TDO2: variants seen among roughly 807,000 people sequenced by gnomAD.
TDO2 encodes the protein tryptamin 2,3-dioxygenase.
A neutral mutation model predicts 61.2 loss-of-function variants in TDO2; 63 were observed. The ratio of observed to expected loss-of-function variants is 1.03; its 90% confidence interval spans 0.84 to 1.27. The LOEUF (loss-of-function observed/expected upper bound fraction) is 1.27. TDO2 is among the 50% of genes most tolerant of loss of function. The pLI is 0.00. For missense variants in TDO2, 494 were observed against 469.5 expected, an observed-to-expected ratio of 1.05 and a Z score of -0.48; for synonymous variants, 183 against 164.0, an observed-to-expected ratio of 1.12 and a Z score of -0.89.
At chr4:155,919,700 G>T (rs1743008532) in intron 11 of TDO2, 137 bp from the exon 12 acceptor site, 2 of 684,392 alleles carry the variant, frequency 2.9e-6, no homozygotes, top group Non-Finnish European at 4.7e-6. Flanking sequence ...TTTAATATAT[G>T]ATATATACAA....
In TDO2 at chr4:155,909,604, G is replaced by A. The variant is rs372162301; in HGVS notation, c.432-421G>A. The stretch of plus-strand genomic sequence containing the variant: ...AAGTCTTAGCAGCAGTGAAATGAAA[G>A]ACATTCACAAAGATATAATATGGGG... On this transcript the variant is annotated intron_variant, in intron 5 of 11. Coordinates refer to ENST00000536354, the MANE Select transcript of TDO2 (RefSeq NM_005651.4). 3.4e-4 allele frequency among the ~76,000 whole-genome samples: 52 copies of A among 152,168 alleles called. 2 individuals are homozygous for A. In the East Asian group the frequency reaches 4.7e-3, roughly 14 times the overall value.
intron 10 of TDO2, 136 bp downstream of exon 10, chr4:155,917,610 A>G (rs997464419): frequency 7.8e-6 from 5 of 639,956 alleles, no homozygotes; most frequent in Non-Finnish European, 1.3e-5. Context: ...CTTTTATACA[A>G]ATCAGCTTGG....
intron 5 of TDO2, 123 bp downstream of exon 5, chr4:155,909,137 A>G: frequency 1.1e-6 from 1 of 947,172 alleles, no homozygotes. Flanking sequence ...TTGTCACTAT[A>G]TGGACTTAGG....
Position 155,910,014 on chromosome 4 carries a change from TA to T in TDO2, c.432-9del. ...TTCCCTTGCCTTTCCTTCCACCATT[TA>T]ATCTCAAAGAGAGTACTTATCTCCA... On this transcript the variant is annotated splice_polypyrimidine_tract_variant and intron_variant, in intron 5 of 11. Transcript: ENST00000536354. 7.4e-6 allele frequency: 11 copies of T among 1,490,810 alleles called. No homozygotes were observed. The highest frequency in any genetic ancestry group is 9.8e-6 in the Non-Finnish European group (11 of 1,124,660). The allele number at this position is 1,490,810 out of a possible 1,614,324, so 92.3% of individuals were successfully genotyped here.
intron 5 of TDO2, among the ~76,000 whole-genome samples, chr4:155,909,245 CTG>C (rs1742774769): frequency 6.6e-6 from 1 of 152,214 alleles, no homozygotes; most frequent in African/African-American, 2.4e-5. Flanking sequence ...AAATTCATCA[CTG>C]TGTGTTCTGT....
At position 155,919,900 on chromosome 4, in the gene TDO2, G is replaced by A; in HGVS notation, c.1131G>A (p.Trp377Ter). Residue 377 changes from tryptophan (W) to a stop codon, truncating the protein, a stop_gained, in exon 12 of 12, where the codon TGG (tryptophan) becomes TGA (stop). Coordinates refer to ENST00000536354, the MANE Select transcript of TDO2 (RefSeq NM_005651.4). LOFTEE classifies it high-confidence loss of function. ...CAACATACCTGATTCCCCGACACTGGATACCGAAGATGAACCCAACCATTC... is the reference window on the plus strand; with the variant it reads ...CAACATACCTGATTCCCCGACACTGAATACCGAAGATGAACCCAACCATTC... ...NLSTYLIPRH[W>*]IPKMNPTIHK... 6.2e-7 allele frequency: 1 copy of A among 1,613,596 alleles called. No homozygotes were observed. The highest frequency in any genetic ancestry group is 1.1e-5 in the South Asian group (1 of 91,056).
At chr4:155,912,672 A>G (rs1268370360) in intron 7 of TDO2, among the ~76,000 whole-genome samples, 1 of 151,978 alleles carries the variant, frequency 6.6e-6, no homozygotes, top group Non-Finnish European at 1.5e-5. Flanking sequence ...TTCTATCTCT[A>G]TACTCTTTCA....
At chr4:155,904,196 A>G in intron 2 of TDO2, 73 bp downstream of exon 2, 3 of 1,114,732 alleles carry the variant, frequency 2.7e-6, no homozygotes, top group Middle Eastern at 2.0e-4. Flanking sequence ...ACTTTTTATG[A>G]TTTTATTTCT....
In TDO2 at chr4:155,918,161, G is replaced by T; in HGVS notation, c.989G>T (p.Cys330Phe). 4 of 1,613,914 alleles carry T rather than the reference G, an allele frequency of 2.5e-6. No individual in the cohort carries two copies. The highest frequency in any genetic ancestry group is 3.4e-6 in the Non-Finnish European group (4 of 1,179,846). The change falls in exon 11 of 12, where the codon TGC becomes TTC. Residue 330 changes from cysteine to phenylalanine, a missense_variant. By Grantham distance (205) the Cys-to-Phe change is radical. Coordinates refer to ENST00000536354, the MANE Select transcript of TDO2 (RefSeq NM_005651.4). Reference protein sequence around the residue: ...LMTKWRYNHVCMVHRMLGSKA... With the variant: ...LMTKWRYNHVFMVHRMLGSKA... ...TATGTTTGCCTAGATAACCATGTGTGCATGGTGCACAGAATGCTGGGCAGC... is the reference window on the plus strand; with the variant it reads ...TATGTTTGCCTAGATAACCATGTGTTCATGGTGCACAGAATGCTGGGCAGC...
intron 3 of TDO2, 85 bp downstream of exon 3, chr4:155,905,242 T>G (rs1579325100): frequency 9.9e-7 from 1 of 1,006,844 alleles, no homozygotes; most frequent in East Asian, 2.7e-5. Context: ...AACTACAAAA[T>G]GATGAAAGAT....
intron 5 of TDO2, 101 bp from the exon 6 acceptor site, chr4:155,909,924 T>C (rs1240188013): frequency 5.9e-4 from 8 of 13,534 alleles, no homozygotes; most frequent in Non-Finnish European, 6.8e-4. Context: ...TCCCCTCCCC[T>C]CTCCCCTCCC....
chr4:155,909,626 G>T (rs1453191768), intron 5 of TDO2, among the ~76,000 whole-genome samples: 9 of 151,992 alleles, frequency 5.9e-5, no homozygotes, highest in Non-Finnish European at 1.3e-4. Flanking sequence ...GATATAATAT[G>T]GGGAGTGGGA....
chr4:155,908,828 A>C (rs1220757937), intron 4 of TDO2, 59 bp from the exon 5 acceptor site: 3 of 1,514,996 alleles, frequency 2.0e-6, no homozygotes, highest in Non-Finnish European at 1.8e-6. Flanking sequence ...GCCATTGTCT[A>C]TTTTGTATTT....
rs376666725 is a variant in TDO2, at chr4:155,910,239, T to C, written c.618+28T>C. ...ATGGATTCATACAATTTATAAAGTT[T>C]AACTCAATACATCTTCTTAATTTAG... is the stretch of plus-strand genomic sequence containing the variant. On this transcript the variant is annotated intron_variant, in intron 6 of 11. Transcript: ENST00000536354. 7.4e-4 allele frequency: 1,112 copies of C among 1,504,694 alleles called. 2 individuals carry two copies. Among genetic ancestry groups the C allele is most frequent in the Non-Finnish European group, 8.5e-4 (964 of 1,129,158 alleles). 93.2% of individuals were successfully genotyped at this position (1,504,694 alleles called of 1,614,324 possible). A position where few individuals can be genotyped will look rare whatever the true frequency, so the allele number is the denominator to read the frequency against.
chr4:155,915,762 T>C (rs969754539), intron 8 of TDO2, 93 bp from the exon 9 acceptor site: 97 of 984,458 alleles, frequency 9.9e-5, no homozygotes, highest in Admixed American at 2.4e-4. Flanking sequence ...TAAACACATG[T>C]AATCCATTAA....
intron 7 of TDO2, among the ~76,000 whole-genome samples, chr4:155,913,540 G>C (rs1300704284): frequency 6.6e-6 from 1 of 152,016 alleles, no homozygotes; most frequent in Non-Finnish European, 1.5e-5. Flanking sequence ...TTTAATGACT[G>C]TACTGGGTTA....
chr4:155,918,645 T>C (rs1742987754), intron 11 of TDO2, among the ~76,000 whole-genome samples: 1 of 152,212 alleles, frequency 6.6e-6, no homozygotes, highest in Non-Finnish European at 1.5e-5. Context: ...TTTTCTGATA[T>C]GGCTATTTTA....
At chr4:155,916,161 AT>A (rs1742929092) in intron 9 of TDO2, among the ~76,000 whole-genome samples, 1 of 121,734 alleles carries the variant, frequency 8.2e-6, no homozygotes, top group Non-Finnish European at 1.7e-5. Context: ...TTAATCAAAT[AT>A]CCTTTTTTTT....
Position 155,911,554 on chromosome 4 carries a change from C to A in TDO2, c.676C>A (p.Leu226Ile). ...ACATGGATTTAACTTCTGGGGAAAGCTTGAAAAAAATATCACCAGAGGCCT... is the reference window on the plus strand; with the variant it reads ...ACATGGATTTAACTTCTGGGGAAAGATTGAAAAAAATATCACCAGAGGCCT... ...EPHGFNFWGK[L>I]EKNITRGLEE... Residue 226 changes from leucine (L) to isoleucine (I), a missense_variant, in exon 7 of 12, where the codon CTT (leucine) becomes ATT (isoleucine). By Grantham distance (5) the Leu-to-Ile change is conservative. Coordinates refer to ENST00000536354, the MANE Select transcript of TDO2 (RefSeq NM_005651.4). The A allele has an allele frequency of 6.3e-7, 1 of 1,598,878 alleles. No homozygotes were observed. Among genetic ancestry groups the A allele is most frequent in the Non-Finnish European group, 8.5e-7 (1 of 1,171,616 alleles).
Sources: allele counts gnomAD v4.1 joint callset (sites outside exome capture counted in the v4.1 genomes callset), GRCh38; gene constraint gnomAD v4.1.1; transcripts MANE v1.5; gene names NCBI Gene and HGNC (gene_info 2026-07-23, HGNC 2026-07-21).